DNAH10: variants seen among roughly 807,000 people sequenced by gnomAD.
DNAH10 encodes axonemal beta dynein heavy chain 10.
Under a neutral mutation model 506.6 loss-of-function variants are expected in DNAH10, and 348 were observed. That is an observed-to-expected ratio of 0.69 (90% CI 0.63 to 0.75). The LOEUF is 0.75. Ranked by LOEUF, DNAH10 falls within the 30% of genes least tolerant of loss-of-function variation. DNAH10 has a pLI of 0.00. For synonymous variants in DNAH10, 2,059 were observed against 2,198.6 expected (o/e 0.94, Z 1.78); for missense variants, 5,179 against 5,787.1 (o/e 0.89, Z 3.41).
Position 123,820,651 on chromosome 12 carries a change from G to T in DNAH10, c.4072G>T (p.Ala1358Ser). 6.2e-7 allele frequency: 1 copy of T among 1,614,004 alleles called. No individual in the cohort carries two copies. Among genetic ancestry groups the T allele is most frequent in the Non-Finnish European group, 8.5e-7 (1 of 1,179,896 alleles). Residue 1358 changes from alanine to serine, a missense_variant, in exon 24 of 79, where the codon GCT becomes TCT. Physicochemically the swap from Ala to Ser is moderately conservative, Grantham distance 99. Around this residue, in one of 3 missense-constraint regions of DNAH10, gnomAD observed 4,844 missense variants for 5,430.5 expected, o/e 0.89. Transcript: ENST00000673944. ...AAAGAGCCGTCAGGAACTGGCTAAC[G>T]CTGAGAAACTTTTCGATCTTCCTAT... ...HEKSRQELANAEKLFDLPITM... is the reference protein window; with the variant it reads ...HEKSRQELANSEKLFDLPITM...
intron 11 of DNAH10, among the ~76,000 whole-genome samples, chr12:123,790,366 G>A (rs1199821899): frequency 6.6e-6 from 1 of 152,194 alleles, no homozygotes; most frequent in East Asian, 1.9e-4. Context: ...AGACACAGTA[G>A]CATTTCTACA....
At chr12:123,849,215 C>G (rs377568012) in intron 34 of DNAH10, among the ~76,000 whole-genome samples, 2 of 152,172 alleles carry the variant, frequency 1.3e-5, no homozygotes, top group South Asian at 2.1e-4. Context: ...TTGAGAAAAC[C>G]TGACTTAGAA....
At chr12:123,897,678 T>C (rs1205242050) in intron 54 of DNAH10, 92 bp from the exon 55 acceptor site, 3 of 1,366,412 alleles carry the variant, frequency 2.2e-6, no homozygotes, top group Non-Finnish European at 3.0e-6. Flanking sequence ...TGAGCCATGA[T>C]CACGCCACTG....
Position 123,918,726 on chromosome 12 carries a change from G to C in DNAH10, c.11283G>C (p.Arg3761Ser). The C allele has an allele frequency of 1.3e-6, 2 of 1,596,264 alleles. No individual in the cohort carries two copies. Among genetic ancestry groups the C allele is most frequent in the Non-Finnish European group, 1.7e-6 (2 of 1,167,238 alleles). Residue 3761 changes from arginine (R) to serine (S), a missense_variant, in exon 65 of 79, where the codon AGG (arginine) becomes AGC (serine). By Grantham distance (110) the Arg-to-Ser change is moderately radical. Transcript: ENST00000673944. ...LAEKTALDID[R>S]LRDGYRPAAR... Reference sequence around the variant, plus strand: ...AGAAGACAGCCTTGGACATCGACAGGCTGCGGGATGGCTACCGGCCAGCAG... The same window carrying C: ...AGAAGACAGCCTTGGACATCGACAGCCTGCGGGATGGCTACCGGCCAGCAG...
At chr12:123,824,596 C>T (rs1398850702) in intron 24 of DNAH10, among the ~76,000 whole-genome samples, 1 of 152,106 alleles carries the variant, frequency 6.6e-6, no homozygotes. Context: ...GTTCTGGAGG[C>T]CAGGAGTGCA....
rs777776781 is a variant in DNAH10 at position 123,826,760 on chromosome 12, G to A, written c.4253G>A (p.Gly1418Asp). ...CAGATTCTCCAGGAAGGAATTGAAG[G>A]TTTTCTCAGGGCTCTCAGAAAGCTA... ...NVQILQEGIE[G>D]FLRALRKLPR... Residue 1418 changes from glycine (G) to aspartate (D), a missense_variant, in exon 25 of 79, where the codon GGT becomes GAT. Around this residue, in one of 3 missense-constraint regions of DNAH10, gnomAD observed 4,844 missense variants for 5,430.5 expected, o/e 0.89. Transcript: ENST00000673944. The A allele has an allele frequency of 3.1e-6, 5 of 1,613,896 alleles. No homozygotes were observed. The highest frequency in any genetic ancestry group is 3.3e-5 in the Admixed American group (2 of 60,006).
intron 58 of DNAH10, 122 bp from the exon 59 acceptor site, chr12:123,910,414 C>A: frequency 7.8e-7 from 1 of 1,289,926 alleles, no homozygotes; most frequent in Non-Finnish European, 1.1e-6. Context: ...CGTAGGAGAG[C>A]TTTGTGCATT....
At chr12:123,840,640 C>T (rs1422870734) in intron 29 of DNAH10, among the ~76,000 whole-genome samples, 1 of 152,176 alleles carries the variant, frequency 6.6e-6, no homozygotes, top group Non-Finnish European at 1.5e-5. Context: ...ACTTCATTTA[C>T]TGTTCGCCTC....
At chr12:123,826,649 G>A in intron 24 of DNAH10, 38 bp from the exon 25 acceptor site, 3 of 1,583,882 alleles carry the variant, frequency 1.9e-6, no homozygotes, top group East Asian at 2.2e-5. Flanking sequence ...TTTCCAAAGG[G>A]GTCTTTGTTG....
Position 123,914,357 on chromosome 12 carries a change from C to G in DNAH10, c.10381C>G (p.His3461Asp). The G allele has an allele frequency of 6.2e-7, 1 of 1,613,202 alleles. No individual in the cohort carries two copies. Among genetic ancestry groups the G allele is most frequent in the Non-Finnish European group, 8.5e-7 (1 of 1,179,852 alleles). Residue 3461 changes from histidine to aspartate, a missense_variant, in exon 61 of 79, where the codon CAC becomes GAC. Physicochemically the swap from His to Asp is moderately conservative, Grantham distance 81. Coordinates refer to ENST00000673944, the MANE Select transcript of DNAH10 (RefSeq NM_001372106.1). The part of the protein sequence containing the change: ...RWLNDLDELM[H>D]RRVKLLGDCL... ...GCTGAACGACCTGGATGAGCTGATG[C>G]ACCGGCGCGTGAAGCTGCTGGGGGA... is the stretch of plus-strand genomic sequence containing the variant.
intron 2 of DNAH10, among the ~76,000 whole-genome samples, chr12:123,769,755 G>A (rs1044372238): frequency 1.3e-5 from 2 of 151,746 alleles, no homozygotes; most frequent in Non-Finnish European, 2.9e-5. Context: ...ACATTCATAA[G>A]TGTATTTTCC....
rs1957632929 is a variant in DNAH10 at position 123,781,146 on chromosome 12, G to T, written c.688G>T (p.Glu230Ter). The change falls in exon 6 of 79, where the codon GAA (glutamate) becomes TAA (stop). Residue 230 changes from glutamate to a stop codon, truncating the protein, a stop_gained. Coordinates refer to ENST00000673944, the MANE Select transcript of DNAH10 (RefSeq NM_001372106.1). LOFTEE classifies it high-confidence loss of function. ...TACAACCGTGGGAGTCACATCTGGAGAAGTCTCTAATTCCTCTGAGCATGA... is the reference window on the plus strand; with the variant it reads ...TACAACCGTGGGAGTCACATCTGGATAAGTCTCTAATTCCTCTGAGCATGA... ...TSTTVGVTSG[E>*]VSNSSEHESD... 2.5e-6 allele frequency: 4 copies of T among 1,614,102 alleles called. No homozygotes were observed. Among genetic ancestry groups the T allele is most frequent in the Non-Finnish European group, 2.5e-6 (3 of 1,179,992 alleles).
At position 123,859,124 on chromosome 12, in the gene DNAH10, C is replaced by T. The variant is rs201715253; in HGVS notation, c.6631-26C>T. On this transcript the variant is annotated intron_variant, in intron 37 of 78. Coordinates refer to ENST00000673944, the MANE Select transcript of DNAH10 (RefSeq NM_001372106.1). ...CGTCAGAAAAAAGATAATGTTTTAG[C>T]CCAGCTGCCATTGTTTGTCCCGCAG... is the stretch of plus-strand genomic sequence containing the variant. 1.1e-5 allele frequency: 17 copies of T among 1,579,842 alleles called. No individual in the cohort carries two copies. In the Admixed American group the frequency reaches 1.6e-4, roughly 15 times the overall value.
intron 62 of DNAH10, 92 bp downstream of exon 62, chr12:123,915,091 C>A (rs1594372101): frequency 7.0e-7 from 1 of 1,436,000 alleles, no homozygotes; most frequent in Non-Finnish European, 9.2e-7. Flanking sequence ...AGTCCCTAGC[C>A]TCAGCGAGGC....
chr12:123,792,528 T>G (rs1227388040), intron 11 of DNAH10, among the ~76,000 whole-genome samples: 3 of 151,406 alleles, frequency 2.0e-5, no homozygotes, highest in Non-Finnish European at 4.4e-5. Context: ...GGCGTGATCT[T>G]GGCTGACTGC....
At chr12:123,891,731 A>G (rs1052154093) in intron 52 of DNAH10, among the ~76,000 whole-genome samples, 1 of 152,110 alleles carries the variant, frequency 6.6e-6, no homozygotes, top group Non-Finnish European at 1.5e-5. Flanking sequence ...GAATATCCCC[A>G]AGACCATCCC....
At chr12:123,896,130 CACACACACACACACACACAGAGAGAGAG>C (rs1277355364) in intron 54 of DNAH10, among the ~76,000 whole-genome samples, 38 of 111,090 alleles carry the variant, frequency 3.4e-4, no homozygotes, top group African/African-American at 1.6e-3. Context: ...CACACACACA[CACACACACACACACACACAGAGAGAGAG>C]AGAGAGAGAG....
chr12:123,935,625 CTT>C lies in DNAH10; in HGVS notation c.*146_*147del. The C allele has an allele frequency of 1.2e-6, 1 of 863,442 alleles. No individual in the cohort carries two copies. Among genetic ancestry groups the C allele is most frequent in the South Asian group, 2.9e-5 (1 of 34,960 alleles). The allele number at this position is 863,442 out of a possible 1,614,324, so 53.5% of individuals were successfully genotyped here. On this transcript the variant is annotated 3_prime_UTR_variant, in exon 79 of 79. Coordinates refer to ENST00000673944, the MANE Select transcript of DNAH10 (RefSeq NM_001372106.1). ...CATTTGAAATCAGCCACTTAAATCT[CTT>C]TCCATACAAATTAACCTGAATGGTT... is the stretch of plus-strand genomic sequence containing the variant.
At chr12:123,790,168 T>G in intron 11 of DNAH10, 47 bp downstream of exon 11, 2 of 1,571,578 alleles carry the variant, frequency 1.3e-6, no homozygotes, top group Middle Eastern at 3.4e-4. Flanking sequence ...GACACCATGT[T>G]TTCTCTGTGT....
Sources: gnomAD v4.1 joint callset for allele counts (sites outside exome capture counted in the v4.1 genomes callset) on GRCh38, gnomAD v4.1.1 for gene constraint, gnomAD v4.1.1 regional missense constraint, MANE v1.5 for transcripts, NCBI Gene and HGNC (gene_info 2026-07-23, HGNC 2026-07-21) for gene names.